GNB1: variants seen among roughly 807,000 people sequenced by gnomAD.
The protein encoded by GNB1 is G protein subunit beta 1.
GNB1 carries 2 observed loss-of-function variants against 42.9 expected under a neutral mutation model. That is an observed-to-expected ratio of 0.05 (90% confidence interval 0.02 to 0.15). The LOEUF (loss-of-function observed/expected upper bound fraction) is 0.15. Among genes scored for constraint, GNB1 ranks in the 10% least tolerant of loss-of-function variants. The pLI is 1.00. For synonymous variants in GNB1, 183 were observed against 174.7 expected (o/e 1.05, Z -0.38); for missense variants, 193 against 462.2 (o/e 0.42, Z 5.34).
chr1:1,863,765 T>C (rs1467550272), intron 1 of GNB1, among the ~76,000 whole-genome samples: 1 of 152,170 alleles, frequency 6.6e-6, no homozygotes, highest in Non-Finnish European at 1.5e-5. Flanking sequence ...GTTGGAAAAA[T>C]TCAGAAAACC....
chr1:1,856,058 T>C (rs1351510376), intron 1 of GNB1, among the ~76,000 whole-genome samples: 2 of 152,262 alleles, frequency 1.3e-5, no homozygotes. Context: ...GATCTTGCTC[T>C]GTGACCCAGG....
intron 1 of GNB1, among the ~76,000 whole-genome samples, chr1:1,872,003 C>CT (rs570433638): frequency 0.014 from 1,995 of 145,758 alleles, 12 homozygotes; most frequent in South Asian, 0.024. Flanking sequence ...AATCTTTTTT[C>CT]TTTTTTTTTT....
rs932287891 is a variant in GNB1, at chr1:1,809,020, C to G, written c.204-2482G>C. Among the ~76,000 whole-genome samples the G allele has an allele frequency of 3.3e-5, 5 of 152,254 alleles. No homozygotes were observed. In the East Asian group the frequency reaches 5.8e-4, roughly 18 times the overall value. ...ACCTAAAGCTGGAGTAACGCTCTCTCAAGTTTTGTTGATAACTCTGACACT... is the reference window on the plus strand; with the variant it reads ...ACCTAAAGCTGGAGTAACGCTCTCTGAAGTTTTGTTGATAACTCTGACACT... On this transcript the variant is annotated intron_variant, in intron 5 of 11. Coordinates refer to ENST00000378609, the MANE Select transcript of GNB1 (RefSeq NM_002074.5).
chr1:1,849,572 A>T (rs544593610), intron 1 of GNB1, among the ~76,000 whole-genome samples: 2 of 149,552 alleles, frequency 1.3e-5, no homozygotes, highest in African/African-American at 4.9e-5. Flanking sequence ...CACCTGGATA[A>T]TTTTTTTTTT....
intron 1 of GNB1, among the ~76,000 whole-genome samples, chr1:1,890,025 A>C (rs1296466382): frequency 6.6e-6 from 1 of 151,850 alleles, no homozygotes; most frequent in East Asian, 2.0e-4. Context: ...CGGCCGCCCC[A>C]CAAAGGCAGC....
chr1:1,878,983 C>T (rs1649694849), intron 1 of GNB1, among the ~76,000 whole-genome samples: 2 of 152,214 alleles, frequency 1.3e-5, no homozygotes, highest in South Asian at 4.1e-4. Context: ...GAGAGTCTCC[C>T]AAAGTCTGGT....
intron 6 of GNB1, 38 bp from the exon 7 acceptor site, chr1:1,804,619 G>A: frequency 6.7e-7 from 1 of 1,485,444 alleles, no homozygotes; most frequent in Non-Finnish European, 9.1e-7. Flanking sequence ...ACAACTTTAT[G>A]TTCAAAAACA....
chr1:1,852,386 G>A lies in GNB1; in HGVS notation c.-95-13148C>T, dbSNP rs191621683. ...TGGGACTATAGACGCCCGCCACCAC[G>A]CCTGGCTAATTTTTTTTGTATTTTT... is the stretch of plus-strand genomic sequence containing the variant. On this transcript the variant is annotated intron_variant, in intron 1 of 11. Coordinates refer to ENST00000378609, the MANE Select transcript of GNB1 (RefSeq NM_002074.5). Among the ~76,000 whole-genome samples the A allele has an allele frequency of 2.5e-4, 38 of 152,076 alleles. No individual in the cohort carries two copies. In the East Asian group the frequency reaches 6.8e-3, roughly 27 times the overall value.
chr1:1,788,583 T>C (rs1007770043), intron 10 of GNB1: 2 of 165,286 alleles, frequency 1.2e-5, no homozygotes, highest in African/African-American at 4.8e-5. Flanking sequence ...CTGAGACAAA[T>C]GAATCTAAGT....
At position 1,785,819 on chromosome 1, in the gene GNB1, G is replaced by GGTGGCTCATTCCCATC; in HGVS notation, c.*1243_*1244insGATGGGAATGAGCCAC. The GGTGGCTCATTCCCATC allele has an allele frequency of 4.3e-6, 1 of 234,960 alleles. No homozygotes were observed. The highest frequency in any genetic ancestry group is 8.1e-6 in the Non-Finnish European group (1 of 123,136). The allele number at this position is 234,960 out of a possible 1,614,324, so 14.6% of individuals were successfully genotyped here. A position where few individuals can be genotyped will look rare whatever the true frequency, so the allele number is the denominator to read the frequency against. Reference sequence around the variant, plus strand: ...GCAACAGAACTTTTTTTTTTTTAAAGAAATAAAGAAAACAGTGACTTATCC... The same window carrying GGTGGCTCATTCCCATC: ...GCAACAGAACTTTTTTTTTTTTAAAGGTGGCTCATTCCCATCAAATAAAGAAAACAGTGACTTATCC... On this transcript the variant is annotated 3_prime_UTR_variant, in exon 12 of 12. Transcript: ENST00000378609.
At chr1:1,817,533 C>T (rs1411455283) in intron 4 of GNB1, among the ~76,000 whole-genome samples, 1 of 152,178 alleles carries the variant, frequency 6.6e-6, no homozygotes, top group East Asian at 1.9e-4. Flanking sequence ...AATAGAAGTT[C>T]TGAGGCAGAT....
At chr1:1,879,766 T>C (rs1553206966) in intron 1 of GNB1, among the ~76,000 whole-genome samples, 2 of 151,148 alleles carry the variant, frequency 1.3e-5, no homozygotes, top group Non-Finnish European at 2.9e-5. Flanking sequence ...TGATAAGCCA[T>C]ATTTTACATT....
At chr1:1,849,733 A>G (rs1282316761) in intron 1 of GNB1, among the ~76,000 whole-genome samples, 4 of 151,942 alleles carry the variant, frequency 2.6e-5, no homozygotes, top group Non-Finnish European at 5.9e-5. Context: ...GCTACATTCA[A>G]AACTTTCTCT....
intron 1 of GNB1, among the ~76,000 whole-genome samples, chr1:1,872,206 G>C (rs972768593): frequency 1.6e-4 from 25 of 152,072 alleles, no homozygotes; most frequent in Admixed American, 1.4e-3. Context: ...TTGAACTCCT[G>C]GGCTCAAGCA....
chr1:1,817,929 A>C, intron 3 of GNB1, 54 bp from the exon 4 acceptor site: 67 of 1,317,582 alleles, frequency 5.1e-5, no homozygotes, highest in Middle Eastern at 1.8e-4. Flanking sequence ...ATTCAATCTC[A>C]GGTCCACACA....
intron 1 of GNB1, among the ~76,000 whole-genome samples, chr1:1,869,043 C>T (rs1390147690): frequency 2.0e-5 from 3 of 149,522 alleles, no homozygotes; most frequent in Admixed American, 6.7e-5. Flanking sequence ...AAAAATTAGC[C>T]GGTGTGGTGG....
chr1:1,862,581 C>T (rs997793929), intron 1 of GNB1, among the ~76,000 whole-genome samples: 1 of 152,052 alleles, frequency 6.6e-6, no homozygotes, highest in Admixed American at 6.6e-5. Context: ...CCCACCTCAG[C>T]ATCCCGAGTA....
chr1:1,825,961 G>A (rs1325754516), intron 2 of GNB1, among the ~76,000 whole-genome samples: 1 of 151,982 alleles, frequency 6.6e-6, no homozygotes, highest in Non-Finnish European at 1.5e-5. Flanking sequence ...TGGCTAAGTA[G>A]GGCCAGGTAA....
At chr1:1,832,880 A>G (rs917387904) in intron 2 of GNB1, among the ~76,000 whole-genome samples, 1 of 152,222 alleles carries the variant, frequency 6.6e-6, no homozygotes, top group Non-Finnish European at 1.5e-5. Context: ...CTTAATTCAA[A>G]ATGGGAATGG....
Sources: gnomAD v4.1 joint callset for allele counts (sites outside exome capture counted in the v4.1 genomes callset) on GRCh38, gnomAD v4.1.1 for gene constraint, MANE v1.5 for transcripts, NCBI Gene and HGNC (gene_info 2026-07-23, HGNC 2026-07-21) for gene names.